TMEM217: variants seen among roughly 807,000 people sequenced by gnomAD.
TMEM217 encodes chromosome 6 open reading frame 128.
For missense variants in TMEM217, 204 were observed against 248.8 expected, an observed-to-expected ratio of 0.82 and a Z score of 1.21; for synonymous variants, 76 against 88.3, an observed-to-expected ratio of 0.86 and a Z score of 0.78.
exon 1 of TMEM217, chr6:37,258,011 C>A (rs758609107): frequency 1.2e-6 from 2 of 1,605,680 alleles, no homozygotes; most frequent in South Asian, 2.2e-5. Flanking sequence ...GGGATTGGAC[C>A]AAACCCTTCC....
exon 1 of TMEM217, chr6:37,257,660 T>C: frequency 1.9e-6 from 1 of 520,176 alleles, no homozygotes; most frequent in Middle Eastern, 5.0e-4. Flanking sequence ...GCCCAGCCCC[T>C]GACGTTACCG....
At chr6:37,215,825 AAGGGGT>A (rs966458360), downstream of TMEM217, among the ~76,000 whole-genome samples, 3 of 152,118 alleles carry the variant, frequency 2.0e-5, no homozygotes, top group African/African-American at 7.2e-5. Context: ...AGACAACACA[AAGGGGT>A]AGGCACAGGG....
chr6:37,233,272 C>G (rs1404400896), intron 1 of TMEM217, among the ~76,000 whole-genome samples: 2 of 152,096 alleles, frequency 1.3e-5, no homozygotes, highest in Non-Finnish European at 2.9e-5. Context: ...TCACTAAGTT[C>G]CATCAACTCT....
downstream of TMEM217, among the ~76,000 whole-genome samples, chr6:37,214,456 A>G (rs951605070): frequency 2.0e-5 from 3 of 152,144 alleles, no homozygotes; most frequent in African/African-American, 7.2e-5. Context: ...TGAACCCCTG[A>G]CCACAAGTGA....
At chr6:37,225,805 G>C (rs150451990) in intron 1 of TMEM217, among the ~76,000 whole-genome samples, 7 of 152,146 alleles carry the variant, frequency 4.6e-5, no homozygotes. Context: ...CATGACCAAC[G>C]GGATGCAAAT....
At position 37,218,614 on chromosome 6, in the gene TMEM217, G is replaced by C. The variant is rs765426107; in HGVS notation, c.417C>G (p.His139Gln). 13 of 1,614,100 alleles carry C rather than the reference G, an allele frequency of 8.1e-6. No homozygotes were observed. In the African/African-American group the frequency reaches 1.5e-4, roughly 18 times the overall value. ...TGATGACAAAGAACATCCAGAAACA[G>C]TGCATGACTGTACGAGACACCAAGC... The change falls in exon 2 of 2, where the codon CAC (histidine) becomes CAG (glutamine). Residue 139 changes from histidine to glutamine, a missense_variant. Physicochemically the swap from His to Gln is conservative, Grantham distance 24 (BLOSUM62 0). Coordinates refer to ENST00000357219, the Ensembl canonical transcript of TMEM217.
intron 1 of TMEM217, among the ~76,000 whole-genome samples, chr6:37,226,686 T>C (rs1763864492): frequency 1.3e-5 from 2 of 152,194 alleles, no homozygotes; most frequent in South Asian, 2.1e-4. Flanking sequence ...CTCAGCCTCC[T>C]GAGTAGCTGG....
At chr6:37,241,773 TAC>T (rs1198231015) in intron 1 of TMEM217, among the ~76,000 whole-genome samples, 11 of 152,312 alleles carry the variant, frequency 7.2e-5, no homozygotes, top group African/African-American at 2.4e-4. Context: ...CTTAGAGACA[TAC>T]ATTCTATATT....
intron 1 of TMEM217, among the ~76,000 whole-genome samples, chr6:37,229,005 A>C (rs983256650): frequency 6.6e-6 from 1 of 152,070 alleles, no homozygotes; most frequent in Non-Finnish European, 1.5e-5. Flanking sequence ...TCAAAAAAAA[A>C]ACAAAAAACA....
chr6:37,257,602 C>T, exon 1 of TMEM217: 1 of 404,530 alleles, frequency 2.5e-6, no homozygotes, highest in Non-Finnish European at 4.5e-6. Context: ...GAACTTTGAG[C>T]CCCGCCTCTC....
chr6:37,214,359 C>G (rs1431801690), downstream of TMEM217, among the ~76,000 whole-genome samples: 1 of 152,088 alleles, frequency 6.6e-6, no homozygotes, highest in African/African-American at 2.4e-5. Flanking sequence ...TCCCAAGTAG[C>G]TGGGATTACA....
chr6:37,249,334 G>C (rs953119632), intron 1 of TMEM217, among the ~76,000 whole-genome samples: 1 of 151,672 alleles, frequency 6.6e-6, no homozygotes, highest in Non-Finnish European at 1.5e-5. Flanking sequence ...TTTTTTTGAG[G>C]GGGGAGACAA....
chr6:37,252,633 A>AT (rs1347062653), intron 1 of TMEM217, among the ~76,000 whole-genome samples: 38 of 75,254 alleles, frequency 5.0e-4, no homozygotes, highest in African/African-American at 2.1e-3. Context: ...ATATATATAT[A>AT]TATATTTTTT....
intron 1 of TMEM217, among the ~76,000 whole-genome samples, chr6:37,234,258 C>A (rs956183882): frequency 1.3e-5 from 2 of 152,068 alleles, no homozygotes; most frequent in African/African-American, 4.8e-5. Context: ...CGCCACCACA[C>A]CCAGCTAACT....
At chr6:37,213,100 GGT>G, downstream of TMEM217, 1 of 796,404 alleles carries the variant, frequency 1.3e-6, no homozygotes, top group South Asian at 1.8e-5. Flanking sequence ...GAGCAATGAT[GGT>G]GTGTGGACAG....
At chr6:37,242,694 CT>C (rs1464712723) in intron 1 of TMEM217, among the ~76,000 whole-genome samples, 1 of 152,168 alleles carries the variant, frequency 6.6e-6, no homozygotes, top group African/African-American at 2.4e-5. Context: ...GTATCTAATA[CT>C]CCCACTTCCT....
downstream of TMEM217, among the ~76,000 whole-genome samples, chr6:37,215,969 G>A (rs1421630868): frequency 6.6e-6 from 1 of 152,100 alleles, no homozygotes; most frequent in Non-Finnish European, 1.5e-5. Context: ...ATGTTTCTCT[G>A]AAAGGCAAAG....
chr6:37,215,861 G>C (rs1446194789), downstream of TMEM217, among the ~76,000 whole-genome samples: 1 of 152,160 alleles, frequency 6.6e-6, no homozygotes, highest in Non-Finnish European at 1.5e-5. Context: ...AGCCATTTTG[G>C]AAACAGCAAG....
At chr6:37,242,924 C>A (rs182416720) in intron 1 of TMEM217, among the ~76,000 whole-genome samples, 30 of 152,168 alleles carry the variant, frequency 2.0e-4, no homozygotes, top group African/African-American at 6.5e-4. Context: ...AAACATTTCC[C>A]AGAAAACCCC....
Sources: gnomAD v4.1 joint callset for allele counts (sites outside exome capture counted in the v4.1 genomes callset) on GRCh38, gnomAD v4.1.1 for gene constraint, MANE v1.5 for transcripts, NCBI Gene and HGNC (gene_info 2026-07-23, HGNC 2026-07-21) for gene names.